SLC10A1: variants seen among roughly 807,000 people sequenced by gnomAD.
SLC10A1 encodes hepatic sodium/bile acid cotransporter.
Under a neutral mutation model 20.5 loss-of-function variants are expected in SLC10A1, and 36 were observed. That is an observed-to-expected ratio of 1.75 (90% CI 1.34 to 2.32). The LOEUF (loss-of-function observed/expected upper bound fraction) is 2.32, where lower values mean the gene tolerates loss of function less well. SLC10A1 is among the 30% of genes most tolerant of loss of function. The probability of loss-of-function intolerance (pLI) is 0.00; values close to 1 mark genes in which losing one functional copy is unlikely to be tolerated. For synonymous variants in SLC10A1, 188 were observed against 163.6 expected, an observed-to-expected ratio of 1.15 and a Z score of -1.14; for missense variants, 545 against 439.1, an observed-to-expected ratio of 1.24 and a Z score of -2.16.
chr14:69,779,406 A>G, intron 2 of SLC10A1, 46 bp from the exon 3 acceptor site: 4 of 1,484,886 alleles, frequency 2.7e-6, no homozygotes, highest in Non-Finnish European at 3.7e-6. Context: ...TTGGGGATAG[A>G]GAGGAACAGA....
chr14:69,793,691 T>A (rs906495287), intron 1 of SLC10A1, among the ~76,000 whole-genome samples: 2 of 152,068 alleles, frequency 1.3e-5, no homozygotes, highest in East Asian at 1.9e-4. Context: ...TCCAAGCCCA[T>A]TGTCCCCATG....
chr14:69,796,935 A>C lies in SLC10A1; in HGVS notation c.221T>G (p.Leu74Arg), dbSNP rs760009351. 2.5e-5 allele frequency: 41 copies of C among 1,614,092 alleles called. No homozygotes were observed. Among genetic ancestry groups the C allele is most frequent in the Non-Finnish European group, 3.1e-5 (37 of 1,180,026 alleles). The change falls in exon 1 of 5, where the codon CTC becomes CGC. Residue 74 changes from leucine (L) to arginine (R), a missense_variant. By Grantham distance (102) the Leu-to-Arg change is moderately radical (BLOSUM62 -2). Coordinates refer to ENST00000216540, the MANE Select transcript of SLC10A1 (RefSeq NM_003049.4). Reference protein sequence around the residue: ...ALVAQYGIMPLTAFVLGKVFR... With the variant: ...ALVAQYGIMPRTAFVLGKVFR... ...GACCTTGCCCAGCACAAAGGCCGTG[A>C]GGGGCATGATGCCATACTGTGCCAC... is the stretch of plus-strand genomic sequence containing the variant.
At chr14:69,782,305 T>G (rs1319635147) in intron 2 of SLC10A1, among the ~76,000 whole-genome samples, 1 of 152,234 alleles carries the variant, frequency 6.6e-6, no homozygotes, top group Non-Finnish European at 1.5e-5. Flanking sequence ...GCCAAGGTAT[T>G]TCTTAGCCCT....
chr14:69,786,344 G>A, intron 1 of SLC10A1, 37 bp from the exon 2 acceptor site: 1 of 1,442,384 alleles, frequency 6.9e-7, no homozygotes, highest in South Asian at 1.1e-5. Context: ...GAGAGAGAGA[G>A]CCCATAAATA....
chr14:69,781,892 C>G (rs1883600928), intron 2 of SLC10A1, among the ~76,000 whole-genome samples: 1 of 152,204 alleles, frequency 6.6e-6, no homozygotes, highest in Non-Finnish European at 1.5e-5. Context: ...CCGGTGTGAG[C>G]AGATACCTGC....
chr14:69,791,653 T>A (rs1417536900), intron 1 of SLC10A1, among the ~76,000 whole-genome samples: 1 of 152,108 alleles, frequency 6.6e-6, no homozygotes, highest in African/African-American at 2.4e-5. Context: ...ACAAAACTTA[T>A]AAAATTGTAA....
chr14:69,777,579 T>G (rs1029013805), intron 4 of SLC10A1, among the ~76,000 whole-genome samples: 3 of 36,304 alleles, frequency 8.3e-5, no homozygotes, highest in South Asian at 8.9e-4. Context: ...GAATGTCCTG[T>G]TTTTTTTTTT....
chr14:69,778,566 G>A, intron 3 of SLC10A1, 37 bp from the exon 4 acceptor site: 1 of 1,520,796 alleles, frequency 6.6e-7, no homozygotes, highest in Non-Finnish European at 8.8e-7. Flanking sequence ...ACACTCAGAG[G>A]GAACTGGAGG....
intron 1 of SLC10A1, among the ~76,000 whole-genome samples, chr14:69,790,515 A>G (rs749024562): frequency 6.6e-6 from 1 of 152,124 alleles, no homozygotes; most frequent in Non-Finnish European, 1.5e-5. Context: ...TAGATAATCT[A>G]TTAATACATA....
intron 2 of SLC10A1, among the ~76,000 whole-genome samples, chr14:69,780,073 G>T (rs778411765): frequency 3.9e-5 from 6 of 152,218 alleles, no homozygotes; most frequent in Non-Finnish European, 7.3e-5. Context: ...AACCCAAAAT[G>T]ATGTCTAATA....
chr14:69,791,670 A>C (rs1160242592), intron 1 of SLC10A1, among the ~76,000 whole-genome samples: 6 of 152,180 alleles, frequency 3.9e-5, no homozygotes, highest in Admixed American at 3.9e-4. Flanking sequence ...GTAATTAAGA[A>C]AGTGTGGAAC....
intron 1 of SLC10A1, among the ~76,000 whole-genome samples, chr14:69,787,271 A>C (rs1008665156): frequency 1.3e-5 from 2 of 152,182 alleles, no homozygotes; most frequent in Non-Finnish European, 2.9e-5. Flanking sequence ...TTCCATTTGG[A>C]ATCTTATATA....
At chr14:69,778,898 C>T (rs570654017) in intron 3 of SLC10A1, among the ~76,000 whole-genome samples, 7 of 152,188 alleles carry the variant, frequency 4.6e-5, no homozygotes, top group Non-Finnish European at 1.0e-4. Context: ...CATGCAGTGG[C>T]TCACACCTGT....
At chr14:69,785,855 C>T (rs541680728) in intron 2 of SLC10A1, among the ~76,000 whole-genome samples, 3 of 151,820 alleles carry the variant, frequency 2.0e-5, no homozygotes, top group South Asian at 2.1e-4. Flanking sequence ...GTGATCCACC[C>T]GCCTCAACTT....
Position 69,786,170 on chromosome 14 carries a change from A to T in SLC10A1, c.494T>A (p.Leu165Gln). ...PYKGIVISLV[L>Q]VLIPCTIGIV... is the part of the protein sequence containing the mutation. ...CCCTATGGTGCAAGGAATGAGAACC[A>T]GGACCAGTGATATCACGATGCCTTT... is the stretch of plus-strand genomic sequence containing the variant. Residue 165 changes from leucine to glutamine, a missense_variant, in exon 2 of 5, where the codon CTG becomes CAG. By Grantham distance (113) the Leu-to-Gln change is moderately radical. Coordinates refer to ENST00000216540, the MANE Select transcript of SLC10A1 (RefSeq NM_003049.4). 1 of 1,614,164 alleles carries T rather than the reference A, an allele frequency of 6.2e-7. No homozygotes were observed. Among genetic ancestry groups the T allele is most frequent in the Non-Finnish European group, 8.5e-7 (1 of 1,180,028 alleles).
At chr14:69,791,418 A>T (rs1485910096) in intron 1 of SLC10A1, among the ~76,000 whole-genome samples, 1 of 151,684 alleles carries the variant, frequency 6.6e-6, no homozygotes, top group Admixed American at 6.6e-5. Flanking sequence ...CTCCTGCCTC[A>T]GCCTCTCAAG....
At position 69,775,458 on chromosome 14, in the gene SLC10A1, T is replaced by A. The variant is rs1180438515; in HGVS notation, c.*824A>T. ...AAATTTTATTAGAGACAATTTGAAATTTGTGAATTCTAGGTATTTGAACAT... is the reference window on the plus strand; with the variant it reads ...AAATTTTATTAGAGACAATTTGAAAATTGTGAATTCTAGGTATTTGAACAT... On this transcript the variant is annotated 3_prime_UTR_variant, in exon 5 of 5. Coordinates refer to ENST00000216540, the MANE Select transcript of SLC10A1 (RefSeq NM_003049.4). 2 of 152,238 alleles carry A rather than the reference T, an allele frequency of 1.3e-5. No homozygotes were observed. The highest frequency in any genetic ancestry group is 2.9e-5 in the Non-Finnish European group (2 of 68,044). The allele number at this position is 152,238 out of a possible 1,614,324, so 9.4% of individuals were successfully genotyped here. A position where few individuals can be genotyped will look rare whatever the true frequency, so the allele number is the denominator to read the frequency against.
chr14:69,795,400 CTTTTTT>C (rs140035207), intron 1 of SLC10A1, among the ~76,000 whole-genome samples: 3 of 128,842 alleles, frequency 2.3e-5, no homozygotes, highest in African/African-American at 9.1e-5. Flanking sequence ...TTTTTATTTC[CTTTTTT>C]TTTTTTTTTT....
chr14:69,786,124 C>T lies in SLC10A1; in HGVS notation c.540G>A (p.Arg180=). The change falls in exon 2 of 5, where the codon CGG becomes CGA. Residue 180 remains arginine (R), a synonymous_variant. Coordinates refer to ENST00000216540, the MANE Select transcript of SLC10A1 (RefSeq NM_003049.4). ...CTIGIVLKSK[R]PQYMRYVIKG... ...TGATGACATAGCGCATGTATTGTGG[C>T]CGTTTGGATTTGAGGACGATCCCTA... The T allele has an allele frequency of 3.1e-6, 5 of 1,614,066 alleles. No homozygotes were observed. The highest frequency in any genetic ancestry group is 4.2e-6 in the Non-Finnish European group (5 of 1,180,024).
Sources: gnomAD v4.1 joint callset for allele counts (sites outside exome capture counted in the v4.1 genomes callset) on GRCh38, gnomAD v4.1.1 for gene constraint, MANE v1.5 for transcripts, NCBI Gene and HGNC (gene_info 2026-07-23, HGNC 2026-07-21) for gene names.